Variants in MEIKIN observed in about 807,000 individuals in gnomAD.
The protein encoded by MEIKIN is meiosis-specific kinetochore protein.
intron 9 of MEIKIN, among the ~76,000 whole-genome samples, chr5:131,876,289 A>C (rs1750611877): frequency 6.6e-6 from 1 of 151,858 alleles, no homozygotes; most frequent in Non-Finnish European, 1.5e-5. Flanking sequence ...GAACTCAAAC[A>C]AATTTACAAG....
intron 9 of MEIKIN, among the ~76,000 whole-genome samples, chr5:131,872,439 G>T (rs1750522214): frequency 6.6e-6 from 1 of 152,106 alleles, no homozygotes; most frequent in African/African-American, 2.4e-5. Context: ...GAGAAGAGAA[G>T]TTTAGAGAAA....
At chr5:131,809,022 C>A (rs989794062) in intron 12 of MEIKIN, among the ~76,000 whole-genome samples, 2 of 151,976 alleles carry the variant, frequency 1.3e-5, no homozygotes, top group African/African-American at 2.4e-5. Flanking sequence ...GTGATCACAC[C>A]ACTGCACTCC....
intron 12 of MEIKIN, among the ~76,000 whole-genome samples, chr5:131,815,415 A>G (rs994331500): frequency 3.9e-5 from 6 of 152,228 alleles, no homozygotes; most frequent in African/African-American, 1.4e-4. Flanking sequence ...GGTAGAAACA[A>G]AAGTGGCACC....
intron 8 of MEIKIN, among the ~76,000 whole-genome samples, chr5:131,889,637 T>G (rs537670296): frequency 6.6e-6 from 1 of 152,228 alleles, no homozygotes; most frequent in Non-Finnish European, 1.5e-5. Context: ...TTTCTACATA[T>G]ACAATCATGT....
rs537559541 is a variant in MEIKIN at position 131,824,140 on chromosome 5, C to A, written c.976-5277G>T. On this transcript the variant is annotated intron_variant, in intron 11 of 12. Transcript: ENST00000442687. ...GAAGCCAGCACAGCATTAGACCTTG[C>A]CCATGGCCTTTCCCTCCAGTGTGGT... 3.9e-5 allele frequency among the ~76,000 whole-genome samples: 6 copies of A among 152,270 alleles called. No homozygotes were observed. The East Asian group carries it at 9.6e-4, about 24-fold the overall frequency.
chr5:131,827,675 A>G (rs2149605497), intron 11 of MEIKIN, among the ~76,000 whole-genome samples: 1 of 152,328 alleles, frequency 6.6e-6, no homozygotes, highest in South Asian at 2.1e-4. Context: ...AAAGCATAAC[A>G]ATCATAAACA....
chr5:131,893,589 C>A (rs1033701083), intron 8 of MEIKIN, among the ~76,000 whole-genome samples: 5 of 152,316 alleles, frequency 3.3e-5, no homozygotes, highest in South Asian at 2.1e-4. Flanking sequence ...GTGTGCTGCA[C>A]CCACTGTCCT....
chr5:131,879,081 T>C lies in MEIKIN; in HGVS notation c.704-33A>G, dbSNP rs1174587908. 1.0e-5 allele frequency: 4 copies of C among 398,364 alleles called. No individual in the cohort carries two copies. The Admixed American group carries it at 1.8e-4, about 18-fold the overall frequency. 24.7% of individuals were successfully genotyped at this position (398,364 alleles called of 1,614,324 possible). On this transcript the variant is annotated intron_variant, in intron 8 of 12. Coordinates refer to ENST00000442687, the MANE Select transcript of MEIKIN (RefSeq NM_001303622.2). The stretch of plus-strand genomic sequence containing the variant: ...TAAAAACATAGTTCAGTATTCTACT[T>C]ATTTCAACTGTCATTAACTATGAGT...
intron 8 of MEIKIN, among the ~76,000 whole-genome samples, chr5:131,894,889 A>C (rs896868863): frequency 5.9e-5 from 9 of 152,166 alleles, no homozygotes; most frequent in South Asian, 2.1e-4. Context: ...AATACCCTTT[A>C]TTTCTTTCTT....
intron 4 of MEIKIN, among the ~76,000 whole-genome samples, chr5:131,935,111 C>A (rs1246396848): frequency 3.7e-4 from 54 of 146,924 alleles, no homozygotes; most frequent in African/African-American, 1.3e-3. Context: ...AGGGAGAAAA[C>A]ATTTGCAAAT....
At chr5:131,848,085 T>C (rs1246904927) in intron 11 of MEIKIN, among the ~76,000 whole-genome samples, 1 of 151,896 alleles carries the variant, frequency 6.6e-6, no homozygotes, top group African/African-American at 2.4e-5. Flanking sequence ...AAGAAATGTC[T>C]CAAATCAACA....
intron 11 of MEIKIN, among the ~76,000 whole-genome samples, chr5:131,840,175 T>C (rs946011130): frequency 1.3e-5 from 2 of 152,248 alleles, no homozygotes; most frequent in Non-Finnish European, 2.9e-5. Context: ...CTTAAGAATG[T>C]TGAATATTGG....
intron 9 of MEIKIN, among the ~76,000 whole-genome samples, chr5:131,873,140 A>G (rs1046154626): frequency 6.6e-6 from 1 of 152,248 alleles, no homozygotes; most frequent in Non-Finnish European, 1.5e-5. Context: ...TCATATTCAC[A>G]TATAACAATA....
intron 5 of MEIKIN, among the ~76,000 whole-genome samples, chr5:131,928,910 T>C (rs1005447651): frequency 1.3e-5 from 2 of 152,170 alleles, no homozygotes; most frequent in Non-Finnish European, 2.9e-5. Context: ...TACCAATGAG[T>C]CTTATACTTT....
At chr5:131,891,203 G>A (rs1191141535) in intron 8 of MEIKIN, among the ~76,000 whole-genome samples, 1 of 152,148 alleles carries the variant, frequency 6.6e-6, no homozygotes, top group East Asian at 1.9e-4. Context: ...GTTGATTTGG[G>A]GTGGCGAGTT....
intron 8 of MEIKIN, among the ~76,000 whole-genome samples, chr5:131,889,595 C>A (rs373677670): frequency 3.3e-5 from 5 of 152,184 alleles, no homozygotes; most frequent in Non-Finnish European, 7.3e-5. Context: ...TGCCTATCAG[C>A]TTAAGGAGAT....
intron 9 of MEIKIN, among the ~76,000 whole-genome samples, chr5:131,869,333 C>T (rs145633315): frequency 1.8e-4 from 27 of 152,278 alleles, no homozygotes; most frequent in Non-Finnish European, 3.7e-4. Flanking sequence ...TCTGTTCCAT[C>T]GATCTGTTTG....
chr5:131,938,883 T>TA (rs1751826420), intron 4 of MEIKIN, among the ~76,000 whole-genome samples: 1 of 152,224 alleles, frequency 6.6e-6, no homozygotes, highest in Admixed American at 6.5e-5. Flanking sequence ...AATGGCATAA[T>TA]AACTTGGGCT....
intron 11 of MEIKIN, among the ~76,000 whole-genome samples, chr5:131,829,244 A>T (rs897381784): frequency 2.6e-5 from 4 of 152,248 alleles, no homozygotes; most frequent in African/African-American, 9.6e-5. Flanking sequence ...AACTTAAATA[A>T]TCAATCAAAT....
Sources: gnomAD v4.1 joint callset for allele counts (sites outside exome capture counted in the v4.1 genomes callset) on GRCh38, gnomAD v4.1.1 for gene constraint, MANE v1.5 for transcripts, NCBI Gene and HGNC (gene_info 2026-07-23, HGNC 2026-07-21) for gene names.